The following TPD52 variants were observed in gnomAD, a reference collection of about 807,000 sequenced individuals.
TPD52 encodes tumor protein D52.
A neutral mutation model predicts 31.3 loss-of-function variants in TPD52; 17 were observed. That is an observed-to-expected ratio of 0.54 (90% CI 0.37 to 0.82). TPD52 has a LOEUF of 0.82. TPD52 is among the 40% of genes least tolerant of loss of function. The probability of loss-of-function intolerance (pLI) is 0.00; values close to 1 mark genes in which losing one functional copy is unlikely to be tolerated. For synonymous variants in TPD52, 83 were observed against 89.6 expected (o/e 0.93, Z 0.42); for missense variants, 212 against 240.1 (o/e 0.88, Z 0.77).
intron 1 of TPD52, chr8:80,080,483 T>A: frequency 6.2e-7 from 1 of 1,611,284 alleles, no homozygotes. Flanking sequence ...CATGGCTGTC[T>A]AATCGCCTGA....
At chr8:80,112,511 A>G (rs1236159775) in intron 1 of TPD52, among the ~76,000 whole-genome samples, 3 of 152,202 alleles carry the variant, frequency 2.0e-5, no homozygotes, top group Non-Finnish European at 2.9e-5. Context: ...TGAGTAGTCC[A>G]TAAATAAAGA....
At chr8:80,077,162 G>A (rs1814665383) in intron 1 of TPD52, among the ~76,000 whole-genome samples, 1 of 151,592 alleles carries the variant, frequency 6.6e-6, no homozygotes, top group African/African-American at 2.4e-5. Flanking sequence ...ATAGTCCCAG[G>A]TATTTGGGAG....
intron 1 of TPD52, chr8:80,080,531 C>A (rs1415036545): frequency 6.4e-7 from 1 of 1,554,996 alleles, no homozygotes; most frequent in Non-Finnish European, 8.7e-7. Flanking sequence ...GGCCATATTC[C>A]CTTTGTAGGG....
At position 80,054,723 on chromosome 8, in the gene TPD52, C is replaced by G. The variant is rs10100720; in HGVS notation, c.136-1293G>C. ...TAGTGCAACGGAGAAAAGGATAAAT[C>G]AAATGTGATGCAGCTGCCAAGAAAA... On this transcript the variant is annotated intron_variant, in intron 2 of 7. Coordinates refer to ENST00000518937, the MANE Select transcript of TPD52 (RefSeq NM_001025253.3). Among the ~76,000 whole-genome samples the G allele has an allele frequency of 2.3e-3, 336 of 144,116 alleles. 4 individuals carry two copies. The highest frequency in any genetic ancestry group is 8.4e-3 in the African/African-American group (316 of 37,826). The allele number at this position is 144,116 out of a possible 152,430, so 94.5% of individuals were successfully genotyped here.
intron 1 of TPD52, among the ~76,000 whole-genome samples, chr8:80,081,790 A>G (rs1241646301): frequency 6.6e-6 from 1 of 151,326 alleles, no homozygotes; most frequent in Admixed American, 6.6e-5. Context: ...GTTGTACTCT[A>G]TTTACAGTAG....
chr8:80,146,393 C>A (rs538474031), intron 1 of TPD52, among the ~76,000 whole-genome samples: 2 of 152,302 alleles, frequency 1.3e-5, no homozygotes, highest in East Asian at 3.9e-4. Context: ...GCTAGCAGCC[C>A]AAAGCCCATT....
chr8:80,126,682 C>A (rs577607113), intron 1 of TPD52, among the ~76,000 whole-genome samples: 1 of 152,016 alleles, frequency 6.6e-6, no homozygotes, highest in South Asian at 2.1e-4. Flanking sequence ...GGGGTTTCAC[C>A]ACGTTGACCG....
intron 1 of TPD52, among the ~76,000 whole-genome samples, chr8:80,162,632 G>C (rs1265588310): frequency 6.9e-6 from 1 of 144,682 alleles, no homozygotes; most frequent in African/African-American, 2.5e-5. Flanking sequence ...CTTAAAAAGA[G>C]AAAAGAAAAA....
chr8:80,120,095 TAACA>T (rs138531131), intron 1 of TPD52, among the ~76,000 whole-genome samples: 4,166 of 152,206 alleles, frequency 0.027, 181 homozygotes, highest in African/African-American at 0.094. Flanking sequence ...AAAATATTTA[TAACA>T]GACAGAGGTT....
chr8:80,132,056 T>C (rs1809060699), intron 1 of TPD52, among the ~76,000 whole-genome samples: 1 of 150,222 alleles, frequency 6.7e-6, no homozygotes, highest in Admixed American at 6.7e-5. Context: ...GGAGACAGGG[T>C]CTCACTCTTA....
chr8:80,073,148 C>CA (rs990290882), intron 1 of TPD52, among the ~76,000 whole-genome samples: 2 of 151,718 alleles, frequency 1.3e-5, no homozygotes, highest in African/African-American at 4.8e-5. Context: ...GGTATTAACT[C>CA]AAAAAAAATT....
chr8:80,158,943 CAAAAAAAAAAAAAAAAA>C lies in TPD52; in HGVS notation c.19+12465_19+12481del, dbSNP rs57625062. 1.3e-4 allele frequency: 10 copies of C among 76,354 alleles called. No homozygotes were observed. The Admixed American group carries it at 1.4e-3, about 11-fold the overall frequency. The allele number at this position is 76,354 out of a possible 1,614,324, so 4.7% of individuals were successfully genotyped here. ...TGGGCGACAGAGCGAGACTCCGTCT[CAAAAAAAAAAAAAAAAA>C]AAAAAAAAAAAGTAAATAACTAACT... is the stretch of plus-strand genomic sequence containing the variant. On this transcript the variant is annotated intron_variant, in intron 1 of 7. Transcript: ENST00000518937.
chr8:80,168,135 A>G (rs1811838699), intron 1 of TPD52, among the ~76,000 whole-genome samples: 1 of 152,228 alleles, frequency 6.6e-6, no homozygotes, highest in African/African-American at 2.4e-5. Context: ...TCTCACTGTA[A>G]GCAGAGTATT....
intron 1 of TPD52, chr8:80,080,340 GGGT>G: frequency 6.2e-7 from 1 of 1,614,084 alleles, no homozygotes; most frequent in East Asian, 2.2e-5. Context: ...TAGGTGATCC[GGGT>G]GGAGATGAAT....
In TPD52 at chr8:80,058,613, C is replaced by T. The variant is rs139066289; in HGVS notation, c.136-5183G>A. On this transcript the variant is annotated intron_variant, in intron 2 of 7. Transcript: ENST00000518937. ...AGGAGTTCAAGACCAGCCTGGCCTA[C>T]ATGACAAAACCCCATCTCTGCTAAA... 7.8e-4 allele frequency among the ~76,000 whole-genome samples: 118 copies of T among 152,186 alleles called. No homozygotes were observed. The East Asian group carries it at 0.018, about 23-fold the overall frequency.
chr8:80,101,924 TGAGA>T (rs138772116), intron 1 of TPD52, among the ~76,000 whole-genome samples: 11,861 of 151,976 alleles, frequency 0.078, 556 homozygotes, highest in South Asian at 0.2. Context: ...ATTGTGTGTG[TGAGA>T]GAGAGGCAAA....
At chr8:80,082,530 T>G (rs60429590) in intron 1 of TPD52, among the ~76,000 whole-genome samples, 3,784 of 152,322 alleles carry the variant, frequency 0.025, 168 homozygotes, top group African/African-American at 0.086. Flanking sequence ...TCTCACCATC[T>G]CTCAAGCCCA....
intron 1 of TPD52, among the ~76,000 whole-genome samples, chr8:80,167,856 T>TG (rs1811818336): frequency 6.6e-6 from 1 of 152,218 alleles, no homozygotes; most frequent in South Asian, 2.1e-4. Context: ...TAATGTGTAG[T>TG]GGGCTACGTG....
chr8:80,140,289 A>C (rs548786940), intron 1 of TPD52, among the ~76,000 whole-genome samples: 3 of 152,280 alleles, frequency 2.0e-5, no homozygotes, highest in East Asian at 3.9e-4. Flanking sequence ...TAGAGTTAGA[A>C]TCTTTTAATT....
Sources: gnomAD v4.1 joint callset for allele counts (sites outside exome capture counted in the v4.1 genomes callset) on GRCh38, gnomAD v4.1.1 for gene constraint, MANE v1.5 for transcripts, NCBI Gene and HGNC (gene_info 2026-07-23, HGNC 2026-07-21) for gene names.